NPFFR2: variants seen among roughly 807,000 people sequenced by gnomAD.
The protein encoded by NPFFR2 is neuropeptide FF receptor 2.
In NPFFR2, 15 loss-of-function variants were observed where a neutral mutation model predicts 13.1. The observed-to-expected ratio is 1.15, with a 90% CI of 0.77 to 1.76. The LOEUF (loss-of-function observed/expected upper bound fraction) is 1.76. Ranked by LOEUF, NPFFR2 falls within the 40% of genes most tolerant of loss-of-function variation. The pLI, the probability that NPFFR2 is intolerant of heterozygous loss-of-function variation, is 0.00. For synonymous variants in NPFFR2, 190 were observed against 175.7 expected (o/e 1.08, Z -0.65); for missense variants, 572 against 503.5 (o/e 1.14, Z -1.30).
intron 3 of NPFFR2, among the ~76,000 whole-genome samples, chr4:72,142,169 G>C (rs1230316193): frequency 6.6e-6 from 1 of 152,002 alleles, no homozygotes; most frequent in Non-Finnish European, 1.5e-5. Flanking sequence ...ATGTGAGATG[G>C]GTCTCCTGAA....
chr4:72,124,984 C>T (rs576747313), intron 1 of NPFFR2, among the ~76,000 whole-genome samples: 1 of 152,242 alleles, frequency 6.6e-6, no homozygotes, highest in East Asian at 1.9e-4. Flanking sequence ...AGTGAACAGG[C>T]AACCTACAAA....
At chr4:72,082,941 TTAACA>T (rs531147326) in intron 1 of NPFFR2, among the ~76,000 whole-genome samples, 229 of 152,252 alleles carry the variant, frequency 1.5e-3, no homozygotes, top group Admixed American at 6.3e-3. Context: ...CTTATTTAAC[TTAACA>T]TAATGTCCTT....
chr4:72,079,220 C>A (rs929453554), intron 1 of NPFFR2, among the ~76,000 whole-genome samples: 9 of 151,858 alleles, frequency 5.9e-5, no homozygotes, highest in Non-Finnish European at 4.4e-5. Flanking sequence ...TGATTTCTTA[C>A]AACTATGTGT....
At chr4:72,111,194 C>T (rs190023826) in intron 1 of NPFFR2, among the ~76,000 whole-genome samples, 1 of 152,114 alleles carries the variant, frequency 6.6e-6, no homozygotes, top group Admixed American at 6.6e-5. Context: ...ATAATATAAT[C>T]AATTTACTAA....
chr4:72,054,402 A>G (rs528951572), intron 1 of NPFFR2, among the ~76,000 whole-genome samples: 1 of 151,970 alleles, frequency 6.6e-6, no homozygotes, highest in African/African-American at 2.4e-5. Flanking sequence ...CTTTTCAATA[A>G]ATAGTACTGG....
chr4:72,086,382 T>G (rs1023698613), intron 1 of NPFFR2, among the ~76,000 whole-genome samples: 1 of 152,106 alleles, frequency 6.6e-6, no homozygotes, highest in Non-Finnish European at 1.5e-5. Context: ...CACTAATAAC[T>G]CTGTATTTCT....
chr4:72,055,663 C>G (rs534185382), intron 1 of NPFFR2, among the ~76,000 whole-genome samples: 1 of 151,938 alleles, frequency 6.6e-6, no homozygotes, highest in African/African-American at 2.4e-5. Context: ...CAGGCCAAAC[C>G]CTAGGCCTCT....
chr4:72,066,797 G>C (rs916405353), intron 1 of NPFFR2, among the ~76,000 whole-genome samples: 1 of 152,196 alleles, frequency 6.6e-6, no homozygotes, highest in Non-Finnish European at 1.5e-5. Context: ...GGTCCCCAAG[G>C]CTCCAGGGGA....
At chr4:72,095,330 G>T in intron 1 of NPFFR2, among the ~76,000 whole-genome samples, 1 of 152,116 alleles carries the variant, frequency 6.6e-6, no homozygotes, top group Non-Finnish European at 1.5e-5. Context: ...TACATTAGTA[G>T]ACTGAAATCA....
chr4:72,078,626 G>A (rs557103897), intron 1 of NPFFR2, among the ~76,000 whole-genome samples: 2 of 152,148 alleles, frequency 1.3e-5, no homozygotes, highest in South Asian at 2.1e-4. Context: ...TAAGAATAAA[G>A]TAGAAGGAAT....
intron 1 of NPFFR2, among the ~76,000 whole-genome samples, chr4:72,090,238 G>A (rs1420661431): frequency 6.6e-6 from 1 of 152,110 alleles, no homozygotes; most frequent in Non-Finnish European, 1.5e-5. Flanking sequence ...TTATAGCATA[G>A]TTTGAAGTCA....
intron 1 of NPFFR2, among the ~76,000 whole-genome samples, chr4:72,081,403 T>C (rs1720614512): frequency 6.6e-6 from 1 of 152,188 alleles, no homozygotes; most frequent in Admixed American, 6.5e-5. Context: ...TATTCCATTA[T>C]GTTTCTCCCT....
At chr4:72,091,351 T>A (rs181131490) in intron 1 of NPFFR2, among the ~76,000 whole-genome samples, 1 of 152,206 alleles carries the variant, frequency 6.6e-6, no homozygotes, top group Admixed American at 6.5e-5. Context: ...CATAGAACGA[T>A]TTAGGGAGGA....
chr4:72,113,928 G>A lies in NPFFR2; in HGVS notation c.-7-14657G>A, dbSNP rs140383607. On this transcript the variant is annotated intron_variant, in intron 1 of 3. Transcript: ENST00000308744. Reference sequence around the variant, plus strand: ...TAAGGGACATTTTCCAGGGAGCCAAGTATTATAAATCCTTAGGGTCTTAAT... The same window carrying A: ...TAAGGGACATTTTCCAGGGAGCCAAATATTATAAATCCTTAGGGTCTTAAT... 7.5e-3 allele frequency among the ~76,000 whole-genome samples: 1,141 copies of A among 152,192 alleles called. 14 individuals carry two copies. Among genetic ancestry groups the A allele is most frequent in the African/African-American group, 0.026 (1,064 of 41,554 alleles).
intron 3 of NPFFR2, among the ~76,000 whole-genome samples, chr4:72,139,187 A>C (rs1578481900): frequency 2.0e-5 from 3 of 151,912 alleles, no homozygotes; most frequent in Middle Eastern, 6.8e-3. Context: ...GATTGCAAAA[A>C]TTTTCTCCCA....
At chr4:72,145,801 C>T (rs1183238840) in intron 3 of NPFFR2, among the ~76,000 whole-genome samples, 1 of 152,076 alleles carries the variant, frequency 6.6e-6, no homozygotes, top group Non-Finnish European at 1.5e-5. Context: ...ATTTTCATAA[C>T]ATTTCAGTTT....
chr4:72,095,040 A>G (rs533372815), intron 1 of NPFFR2, among the ~76,000 whole-genome samples: 2 of 152,328 alleles, frequency 1.3e-5, no homozygotes, highest in African/African-American at 4.8e-5. Flanking sequence ...TATAACTAAT[A>G]AAGGTTATTT....
intron 3 of NPFFR2, 82 bp downstream of exon 3, chr4:72,138,221 T>C: frequency 1.2e-6 from 1 of 825,008 alleles, no homozygotes; most frequent in East Asian, 2.6e-5. Flanking sequence ...ACCTACTAAA[T>C]TTGGACATAT....
In NPFFR2 at chr4:72,147,320, G is replaced by A. The variant is rs898931282; in HGVS notation, c.771G>A (p.Lys257=). 1.2e-5 allele frequency: 19 copies of A among 1,614,058 alleles called. No homozygotes were observed. Among genetic ancestry groups the A allele is most frequent in the Non-Finnish European group, 1.5e-5 (18 of 1,180,024 alleles). ...CTGCAGTTCCTCACACAGGCAGGAA[G>A]AACCAGGAGCAGTGGCACGTGGTGT... ...FRAAVPHTGR[K]NQEQWHVVSR... is the part of the protein sequence containing the mutation. Residue 257 remains lysine, a synonymous_variant, in exon 4 of 4, where the codon AAG becomes AAA. Transcript: ENST00000308744.
Sources: allele counts gnomAD v4.1 joint callset (sites outside exome capture counted in the v4.1 genomes callset), GRCh38; gene constraint gnomAD v4.1.1; transcripts MANE v1.5; gene names NCBI Gene and HGNC (gene_info 2026-07-23, HGNC 2026-07-21).